CSMD1: variants seen among roughly 807,000 people sequenced by gnomAD.
CSMD1 encodes the protein CUB and Sushi multiple domains 1.
A neutral mutation model predicts 417.5 loss-of-function variants in CSMD1; 213 were observed. That is an observed-to-expected ratio of 0.51 (90% CI 0.46 to 0.57). CSMD1 has a LOEUF of 0.57. Ranked by LOEUF, CSMD1 falls within the 20% of genes least tolerant of loss-of-function variation. CSMD1 has a pLI of 0.00. For synonymous variants in CSMD1, 2,862 were observed against 1,736.8 expected, an observed-to-expected ratio of 1.65 and a Z score of -16.11; for missense variants, 6,923 against 4,529.7, an observed-to-expected ratio of 1.53 and a Z score of -15.17.
chr8:3,865,955 A>C (rs560474070), intron 5 of CSMD1, among the ~76,000 whole-genome samples: 9 of 152,332 alleles, frequency 5.9e-5, no homozygotes, highest in African/African-American at 2.2e-4. Context: ...TGGGAATGTA[A>C]TTAAAATAAT....
intron 1 of CSMD1, among the ~76,000 whole-genome samples, chr8:4,940,139 G>C (rs555743398): frequency 6.6e-6 from 1 of 152,164 alleles, no homozygotes; most frequent in Non-Finnish European, 1.5e-5. Context: ...TGTGAGAGCA[G>C]GGAGGGGTCA....
chr8:3,505,256 C>A (rs907485029), intron 10 of CSMD1, among the ~76,000 whole-genome samples: 1 of 151,970 alleles, frequency 6.6e-6, no homozygotes, highest in Admixed American at 6.5e-5. Flanking sequence ...CTGTTAGATG[C>A]GATAAAATGC....
Position 4,565,773 on chromosome 8 carries a change from T to C in CSMD1, c.302+71569A>G, listed in dbSNP as rs13260686. Among the ~76,000 whole-genome samples, 45 of 34,286 alleles carry C rather than the reference T, an allele frequency of 1.3e-3. 1 individual carries two copies. The highest frequency in any genetic ancestry group is 2.2e-3 in the African/African-American group (24 of 10,916). The allele number at this position is 34,286 out of a possible 152,430, so 22.5% of individuals were successfully genotyped here. A position where few individuals can be genotyped will look rare whatever the true frequency, so the allele number is the denominator to read the frequency against. On this transcript the variant is annotated intron_variant, in intron 2 of 69. Coordinates refer to ENST00000635120, the MANE Select transcript of CSMD1 (RefSeq NM_033225.6). ...ACATATATATATATATATATATATA[T>C]ATATATATATATATATATATATATG...
chr8:2,966,264 A>G (rs1257059937), intron 58 of CSMD1, among the ~76,000 whole-genome samples: 4 of 152,198 alleles, frequency 2.6e-5, no homozygotes, highest in African/African-American at 9.6e-5. Flanking sequence ...CCAGAGAACC[A>G]AAGACATTTC....
intron 3 of CSMD1, among the ~76,000 whole-genome samples, chr8:4,081,268 C>A (rs1014231900): frequency 1.3e-5 from 2 of 152,180 alleles, no homozygotes; most frequent in African/African-American, 2.4e-5. Context: ...TTTTGAAATA[C>A]GCCCAGCGAT....
At chr8:4,066,654 G>C (rs565553658) in intron 3 of CSMD1, among the ~76,000 whole-genome samples, 2 of 152,136 alleles carry the variant, frequency 1.3e-5, no homozygotes, top group Non-Finnish European at 2.9e-5. Context: ...GGATGTTTTT[G>C]CTCATCAAAC....
At chr8:4,975,792 T>C (rs1250884742) in intron 1 of CSMD1, among the ~76,000 whole-genome samples, 1 of 151,924 alleles carries the variant, frequency 6.6e-6, no homozygotes, top group Non-Finnish European at 1.5e-5. Flanking sequence ...TGTGGAGGAG[T>C]CATGAATAGT....
intron 5 of CSMD1, among the ~76,000 whole-genome samples, chr8:3,915,628 TTATA>T (rs1464971659): frequency 4.6e-5 from 7 of 151,360 alleles, no homozygotes; most frequent in African/African-American, 1.7e-4. Flanking sequence ...TATCATATAA[TTATA>T]TATAATTTAA....
chr8:3,171,262 A>G (rs1233404869), intron 37 of CSMD1, among the ~76,000 whole-genome samples: 7 of 152,256 alleles, frequency 4.6e-5, no homozygotes, highest in African/African-American at 1.7e-4. Context: ...GAAAGCTTCT[A>G]CTTCATTTTT....
At chr8:3,731,890 G>C (rs372703256) in intron 6 of CSMD1, among the ~76,000 whole-genome samples, 52 of 152,308 alleles carry the variant, frequency 3.4e-4, no homozygotes, top group Middle Eastern at 3.4e-3. Context: ...GCTTAGAGCA[G>C]TTGAATAATG....
chr8:3,032,367 G>A (rs1810397498), intron 50 of CSMD1, among the ~76,000 whole-genome samples: 1 of 151,872 alleles, frequency 6.6e-6, no homozygotes, highest in African/African-American at 2.4e-5. Flanking sequence ...TGGTAGAAAA[G>A]GTACAGTCTT....
chr8:4,615,259 G>T (rs1157377701), intron 2 of CSMD1, among the ~76,000 whole-genome samples: 5 of 152,158 alleles, frequency 3.3e-5, no homozygotes, highest in Non-Finnish European at 7.3e-5. Context: ...ATAGAACGTG[G>T]AGAGCTTAAG....
At chr8:4,567,630 A>G (rs1295464538) in intron 2 of CSMD1, among the ~76,000 whole-genome samples, 2 of 152,146 alleles carry the variant, frequency 1.3e-5, no homozygotes, top group Non-Finnish European at 2.9e-5. Context: ...TTATGAGATG[A>G]TGCTCCTCCT....
chr8:4,972,054 T>C (rs543594763), intron 1 of CSMD1, among the ~76,000 whole-genome samples: 11 of 152,034 alleles, frequency 7.2e-5, no homozygotes, highest in Non-Finnish European at 1.2e-4. Flanking sequence ...AAAGCCAAGG[T>C]GAAGAGGTAA....
At chr8:4,291,343 G>C (rs1454662210) in intron 3 of CSMD1, among the ~76,000 whole-genome samples, 1 of 151,968 alleles carries the variant, frequency 6.6e-6, no homozygotes, top group Non-Finnish European at 1.5e-5. Flanking sequence ...CCTTTAAATT[G>C]ATAAATTACA....
At chr8:3,198,225 T>C (rs1167739518) in intron 33 of CSMD1, among the ~76,000 whole-genome samples, 1 of 152,192 alleles carries the variant, frequency 6.6e-6, no homozygotes, top group Non-Finnish European at 1.5e-5. Flanking sequence ...GGATAGATTT[T>C]ATAATCTTTA....
intron 5 of CSMD1, among the ~76,000 whole-genome samples, chr8:3,758,582 A>G (rs11782244): frequency 0.33 from 50,436 of 152,054 alleles, 8,631 homozygotes; most frequent in Non-Finnish European, 0.37. Context: ...CTTCATTACA[A>G]ACTACGTAAT....
chr8:3,265,659 A>C (rs1801379142), intron 26 of CSMD1, among the ~76,000 whole-genome samples: 1 of 152,214 alleles, frequency 6.6e-6, no homozygotes, highest in Admixed American at 6.5e-5. Context: ...GGCCAACATG[A>C]GGTCGTGCTA....
At chr8:3,832,043 T>C (rs1459704169) in intron 5 of CSMD1, among the ~76,000 whole-genome samples, 2 of 152,198 alleles carry the variant, frequency 1.3e-5, no homozygotes, top group Non-Finnish European at 2.9e-5. Flanking sequence ...GTTGCTCTTA[T>C]CACTGTTACC....
Sources: allele counts gnomAD v4.1 joint callset (sites outside exome capture counted in the v4.1 genomes callset), GRCh38; gene constraint gnomAD v4.1.1; transcripts MANE v1.5; gene names NCBI Gene and HGNC (gene_info 2026-07-23, HGNC 2026-07-21).